The following NFIB variants were observed in gnomAD, a reference collection of about 807,000 sequenced individuals.
The protein encoded by NFIB is nuclear factor 1 B-type.
NFIB carries 11 observed loss-of-function variants against 61.5 expected under a neutral mutation model. The ratio of observed to expected loss-of-function variants is 0.18; its 90% CI spans 0.11 to 0.30. The LOEUF is 0.30. NFIB is among the 10% of genes least tolerant of loss of function. The pLI, the probability that NFIB is intolerant of heterozygous loss-of-function variation, is 1.00. For missense variants in NFIB, 471 were observed against 608.9 expected (o/e 0.77, Z 2.38); for synonymous variants, 260 against 216.5 (o/e 1.20, Z -1.76).
At chr9:14,496,213 G>A in the NFIB span, among the ~76,000 whole-genome samples, 2 of 152,196 alleles carry the variant, frequency 1.3e-5, no homozygotes, top group Non-Finnish European at 2.9e-5. Context: ...ATATTTGCAT[G>A]TCTATAGTGA....
At chr9:14,464,891 G>A in the NFIB span, among the ~76,000 whole-genome samples, 1 of 152,100 alleles carries the variant, frequency 6.6e-6, no homozygotes, top group African/African-American at 2.4e-5. Flanking sequence ...TACAACTATT[G>A]TGAAGAATGA....
chr9:14,200,790 T>A (rs375296400), intron 2 of NFIB, among the ~76,000 whole-genome samples: 43 of 152,266 alleles, frequency 2.8e-4, no homozygotes, highest in African/African-American at 9.9e-4. Flanking sequence ...CTCAGCAAAC[T>A]CAGCTAGGTC....
At chr9:14,102,319 A>T (rs1362914472) in intron 10 of NFIB, 2 of 1,024,370 alleles carry the variant, frequency 2.0e-6, no homozygotes, top group Non-Finnish European at 2.8e-6. Flanking sequence ...CAAAACAACT[A>T]AATTTTTAAC....
intron 2 of NFIB, among the ~76,000 whole-genome samples, chr9:14,280,631 C>A (rs2058309098): frequency 6.6e-6 from 1 of 152,154 alleles, no homozygotes; most frequent in Non-Finnish European, 1.5e-5. Context: ...ACAAGTAGCT[C>A]CCAGGGAATT....
chr9:14,198,282 C>T (rs2048666981), intron 2 of NFIB, among the ~76,000 whole-genome samples: 1 of 152,088 alleles, frequency 6.6e-6, no homozygotes, highest in Admixed American at 6.5e-5. Flanking sequence ...CTTCTAAAGT[C>T]GTTTCGGATG....
At chr9:14,513,589 T>C in the NFIB span, among the ~76,000 whole-genome samples, 1 of 147,428 alleles carries the variant, frequency 6.8e-6, no homozygotes, top group Non-Finnish European at 1.5e-5. Context: ...AATTGTGCCA[T>C]TGCACTCCAG....
intron 2 of NFIB, among the ~76,000 whole-genome samples, chr9:14,266,252 A>T (rs1381066311): frequency 6.6e-6 from 1 of 152,152 alleles, no homozygotes; most frequent in Non-Finnish European, 1.5e-5. Flanking sequence ...TTTTTAATTG[A>T]CTACTAGCTA....
intron 6 of NFIB, among the ~76,000 whole-genome samples, chr9:14,132,528 CCTTT>C (rs1276932548): frequency 2.6e-5 from 4 of 151,694 alleles, no homozygotes; most frequent in African/African-American, 9.7e-5. Flanking sequence ...TCCTCTTTTT[CCTTT>C]CTATCTTTTA....
chr9:14,418,068 A>G, the NFIB span, among the ~76,000 whole-genome samples: 2 of 152,052 alleles, frequency 1.3e-5, no homozygotes, highest in African/African-American at 4.8e-5. Flanking sequence ...GCGGTGAGCC[A>G]CCGCGCCCAG....
intron 2 of NFIB, among the ~76,000 whole-genome samples, chr9:14,203,093 T>C (rs1370531666): frequency 6.6e-6 from 1 of 152,194 alleles, no homozygotes; most frequent in Non-Finnish European, 1.5e-5. Flanking sequence ...TTTGTAGCTA[T>C]ATAAGTGATT....
intron 6 of NFIB, among the ~76,000 whole-genome samples, chr9:14,136,540 T>C (rs981412099): frequency 6.6e-6 from 1 of 152,142 alleles, no homozygotes; most frequent in African/African-American, 2.4e-5. Flanking sequence ...AGGAGAACAT[T>C]TGGGGAAAAG....
chr9:14,441,134 CAAAAAAA>C, the NFIB span, among the ~76,000 whole-genome samples: 1 of 101,000 alleles, frequency 9.9e-6, no homozygotes. Flanking sequence ...TGAGTGGGTT[CAAAAAAA>C]AAAAAAAAAA....
chr9:14,444,195 C>T, the NFIB span, among the ~76,000 whole-genome samples: 1 of 152,170 alleles, frequency 6.6e-6, no homozygotes, highest in East Asian at 1.9e-4. Context: ...GAACCAGGAA[C>T]TCACAAGAGA....
At chr9:14,270,773 C>T (rs1238312086) in intron 2 of NFIB, among the ~76,000 whole-genome samples, 1 of 151,980 alleles carries the variant, frequency 6.6e-6, no homozygotes, top group Non-Finnish European at 1.5e-5. Context: ...ATTGAGGTGA[C>T]AGGAAACAAA....
chr9:14,429,653 G>A, the NFIB span, among the ~76,000 whole-genome samples: 1 of 152,158 alleles, frequency 6.6e-6, no homozygotes, highest in African/African-American at 2.4e-5. Context: ...GCAGCTGTTG[G>A]TGGGTAAGCA....
chr9:14,454,220 T>C, the NFIB span, among the ~76,000 whole-genome samples: 1 of 152,202 alleles, frequency 6.6e-6, no homozygotes, highest in Non-Finnish European at 1.5e-5. Context: ...CAATTGTCAA[T>C]ACAATAATGT....
chr9:14,374,071 C>G (rs1046811305), intron 1 of NFIB, among the ~76,000 whole-genome samples: 3 of 152,064 alleles, frequency 2.0e-5, no homozygotes, highest in Non-Finnish European at 4.4e-5. Context: ...TGTTCAACTT[C>G]GAATGTCAGG....
At chr9:14,118,506 G>A (rs530648993) in intron 8 of NFIB, among the ~76,000 whole-genome samples, 2 of 152,132 alleles carry the variant, frequency 1.3e-5, no homozygotes, top group East Asian at 1.9e-4. Context: ...AGTCAATGCA[G>A]ACAACTTTCC....
At chr9:14,480,028 G>T in the NFIB span, among the ~76,000 whole-genome samples, 5 of 151,028 alleles carry the variant, frequency 3.3e-5, no homozygotes, top group Non-Finnish European at 7.4e-5. Context: ...AGACAGAAAG[G>T]TTTTTTTTTG....
Sources: gnomAD v4.1 joint callset for allele counts (sites outside exome capture counted in the v4.1 genomes callset) on GRCh38, gnomAD v4.1.1 for gene constraint, MANE v1.5 for transcripts, NCBI Gene and HGNC (gene_info 2026-07-23, HGNC 2026-07-21) for gene names.